The following DYDC2 variants were observed in gnomAD, a reference collection of about 807,000 sequenced individuals.
The protein encoded by DYDC2 is DPY30 domain containing 2.
In DYDC2, 19 loss-of-function variants were observed where a neutral mutation model predicts 18.7. The ratio of observed to expected loss-of-function variants is 1.02; its 90% CI spans 0.71 to 1.49. The LOEUF (loss-of-function observed/expected upper bound fraction) is 1.49. Among genes scored for constraint, DYDC2 ranks in the 40% most tolerant of loss-of-function variants. The probability of loss-of-function intolerance (pLI) is 0.00; values close to 1 mark genes in which losing one functional copy is unlikely to be tolerated. For synonymous variants in DYDC2, 63 were observed against 67.6 expected, an observed-to-expected ratio of 0.93 and a Z score of 0.34; for missense variants, 179 against 205.1, an observed-to-expected ratio of 0.87 and a Z score of 0.78.
chr10:80,348,886 T>C (rs1321425633), intron 1 of DYDC2, among the ~76,000 whole-genome samples: 1 of 151,934 alleles, frequency 6.6e-6, no homozygotes, highest in African/African-American at 2.4e-5. Context: ...CAGATCAGCA[T>C]TAGCAGATAA....
At position 80,366,981 on chromosome 10, in the gene DYDC2, T is replaced by G. The variant is rs1169190899; in HGVS notation, c.*30T>G. Reference sequence around the variant, plus strand: ...CAGAAGGTAGATGCTTCTGATTTACTTCTCTCAAAGCTAGAAGCCAAGAAA... The same window carrying G: ...CAGAAGGTAGATGCTTCTGATTTACGTCTCTCAAAGCTAGAAGCCAAGAAA... On this transcript the variant is annotated 3_prime_UTR_variant, in exon 5 of 5. Coordinates refer to ENST00000256039, the MANE Select transcript of DYDC2 (RefSeq NM_032372.6). 3 of 1,579,828 alleles carry G rather than the reference T, an allele frequency of 1.9e-6. No individual in the cohort carries two copies. Among genetic ancestry groups the G allele is most frequent in the Non-Finnish European group, 2.6e-6 (3 of 1,165,844 alleles).
At position 80,362,983 on chromosome 10, in the gene DYDC2, A is replaced by G. The variant is rs3765582; in HGVS notation, c.180A>G (p.Glu60=). 4.8e-4 allele frequency: 769 copies of G among 1,613,180 alleles called. 7 individuals are homozygous for G. In the East Asian group the frequency reaches 0.017, roughly 35 times the overall value. ...NREKKIHLQE[E]YDSSLKEMEM... ...AAAAGAAGATCCACCTGCAGGAGGAATATGACAGTAGCCTCAAGGAAATGG... is the reference window on the plus strand; with the variant it reads ...AAAAGAAGATCCACCTGCAGGAGGAGTATGACAGTAGCCTCAAGGAAATGG... Residue 60 remains glutamate, a synonymous_variant, in exon 4 of 5, where the codon GAA becomes GAG. Transcript: ENST00000256039.
intron 1 of DYDC2, among the ~76,000 whole-genome samples, chr10:80,350,429 T>C (rs1831489219): frequency 6.6e-6 from 1 of 152,230 alleles, no homozygotes; most frequent in Non-Finnish European, 1.5e-5. Flanking sequence ...AGAGGAAGGA[T>C]GGCTCCTCAT....
At chr10:80,365,161 A>G (rs140255107) in intron 4 of DYDC2, among the ~76,000 whole-genome samples, 129 of 152,370 alleles carry the variant, frequency 8.5e-4, no homozygotes, top group African/African-American at 2.4e-3. Flanking sequence ...CTTTAAAAAA[A>G]AACAAAAAAA....
chr10:80,352,541 C>T (rs781080491), upstream of DYDC2: 1 of 1,613,746 alleles, frequency 6.2e-7, no homozygotes, highest in Non-Finnish European at 8.5e-7. Context: ...ACTCTTGCCA[C>T]TTCTGCAAGA....
At chr10:80,346,260 G>T (rs952317862) in intron 1 of DYDC2, among the ~76,000 whole-genome samples, 3 of 152,106 alleles carry the variant, frequency 2.0e-5, no homozygotes, top group African/African-American at 4.8e-5. Flanking sequence ...TCTATAAGGT[G>T]CTGGTTTCAT....
chr10:80,366,711 C>T lies in DYDC2; in HGVS notation c.294C>T (p.Ser98=). 1 of 1,604,058 alleles carries T rather than the reference C, an allele frequency of 6.2e-7. No individual in the cohort carries two copies. The highest frequency in any genetic ancestry group is 8.5e-7 in the Non-Finnish European group (1 of 1,175,748). ...AGGAACTGACTTCTGAAACTGTTTC[C>T]ACGAAGAAGACCATATTCATGCAGG... ...CHKELTSETV[S]TKKTIFMQED... Residue 98 remains serine (S), a synonymous_variant, in exon 5 of 5, where the codon TCC becomes TCT. Coordinates refer to ENST00000256039, the MANE Select transcript of DYDC2 (RefSeq NM_032372.6).
upstream of DYDC2, among the ~76,000 whole-genome samples, chr10:80,352,924 T>C (rs915733110): frequency 2.6e-5 from 4 of 152,162 alleles, no homozygotes; most frequent in East Asian, 7.7e-4. Flanking sequence ...CATGTAATCC[T>C]CACAACATAC....
At chr10:80,352,734 T>C (rs1158266220), upstream of DYDC2, 57 of 1,187,170 alleles carry the variant, frequency 4.8e-5, no homozygotes, top group Non-Finnish European at 6.0e-5. Context: ...CACCTCCCAT[T>C]GGGGGTGTCA....
intron 4 of DYDC2, 38 bp from the exon 5 acceptor site, chr10:80,366,650 C>T (rs768001369): frequency 2.6e-6 from 4 of 1,563,256 alleles, no homozygotes; most frequent in South Asian, 2.4e-5. Flanking sequence ...GCTTTAGTCT[C>T]TAATAATAAG....
At chr10:80,364,150 C>T (rs994449372) in intron 4 of DYDC2, among the ~76,000 whole-genome samples, 5 of 152,132 alleles carry the variant, frequency 3.3e-5, no homozygotes, top group Non-Finnish European at 5.9e-5. Flanking sequence ...GCTTCCAAGC[C>T]AATTTGAAGA....
chr10:80,357,211 G>C (rs770941451), intron 1 of DYDC2, among the ~76,000 whole-genome samples: 199 of 148,230 alleles, frequency 1.3e-3, no homozygotes, highest in Admixed American at 3.7e-3. Flanking sequence ...GCGTGGCAGA[G>C]AGAAGCGGGC....
chr10:80,360,879 C>G (rs1843647613), intron 2 of DYDC2, among the ~76,000 whole-genome samples: 1 of 151,864 alleles, frequency 6.6e-6, no homozygotes, highest in Non-Finnish European at 1.5e-5. Context: ...CCCACCTCAG[C>G]CCTGCCCCCA....
chr10:80,361,762 G>T (rs1564673608), intron 2 of DYDC2, among the ~76,000 whole-genome samples: 1 of 152,104 alleles, frequency 6.6e-6, no homozygotes, highest in Non-Finnish European at 1.5e-5. Context: ...TGACTAGTAG[G>T]AGCCCCTTCA....
chr10:80,359,045 G>A (rs746816092), intron 2 of DYDC2, among the ~76,000 whole-genome samples: 5 of 152,208 alleles, frequency 3.3e-5, no homozygotes, highest in South Asian at 2.1e-4. Flanking sequence ...GTGTGGAAGG[G>A]AACCCAGAGC....
At position 80,366,889 on chromosome 10, in the gene DYDC2, A is replaced by G; in HGVS notation, c.472A>G (p.Lys158Glu). 1 of 1,614,110 alleles carries G rather than the reference A, an allele frequency of 6.2e-7. No individual in the cohort carries two copies. The highest frequency in any genetic ancestry group is 8.5e-7 in the Non-Finnish European group (1 of 1,180,004). ...NFKMPQEINY[K>E]EAFQHEVAHE... ...CAAAATGCCACAAGAAATAAATTACAAGGAGGCTTTTCAGCATGAAGTTGC... is the reference window on the plus strand; with the variant it reads ...CAAAATGCCACAAGAAATAAATTACGAGGAGGCTTTTCAGCATGAAGTTGC... Residue 158 changes from lysine to glutamate, a missense_variant, in exon 5 of 5, where the codon AAG becomes GAG. Coordinates refer to ENST00000256039, the MANE Select transcript of DYDC2 (RefSeq NM_032372.6).
chr10:80,351,874 C>T (rs1435542665), upstream of DYDC2: 1 of 1,603,210 alleles, frequency 6.2e-7, no homozygotes, highest in South Asian at 1.1e-5. Flanking sequence ...AATTCCAGTC[C>T]CCTCTGAACT....
intron 1 of DYDC2, among the ~76,000 whole-genome samples, chr10:80,347,115 G>C (rs1372538550): frequency 6.6e-6 from 1 of 151,734 alleles, no homozygotes; most frequent in Non-Finnish European, 1.5e-5. Context: ...ATCCTAATAG[G>C]GGCGAGGTGG....
intron 1 of DYDC2, 36 bp from the exon 2 acceptor site, chr10:80,357,857 A>C: frequency 1.0e-6 from 1 of 985,580 alleles, no homozygotes; most frequent in Non-Finnish European, 1.2e-6. Flanking sequence ...CAGGTGGCAG[A>C]ACTCTCTCAA....
Sources: gnomAD v4.1 joint callset for allele counts (sites outside exome capture counted in the v4.1 genomes callset) on GRCh38, gnomAD v4.1.1 for gene constraint, MANE v1.5 for transcripts, NCBI Gene and HGNC (gene_info 2026-07-23, HGNC 2026-07-21) for gene names.